CASP6: variants seen among roughly 807,000 people sequenced by gnomAD.
CASP6 encodes the protein caspase 6.
Under a neutral mutation model 31.8 loss-of-function variants are expected in CASP6, and 20 were observed. The ratio of observed to expected loss-of-function variants is 0.63; its 90% CI spans 0.44 to 0.91. The LOEUF is 0.91. Ranked by LOEUF, CASP6 falls within the 40% of genes least tolerant of loss-of-function variation. The pLI is 0.00. For missense variants in CASP6, 328 were observed against 361.1 expected (o/e 0.91, Z 0.74); for synonymous variants, 130 against 127.8 (o/e 1.02, Z -0.12).
At chr4:109,702,224 T>C (rs961679473) in intron 1 of CASP6, among the ~76,000 whole-genome samples, 5 of 152,222 alleles carry the variant, frequency 3.3e-5, no homozygotes, top group East Asian at 3.8e-4. Context: ...TCTACGACCA[T>C]GTGACTTTTA....
the CASP6 span, among the ~76,000 whole-genome samples, chr4:109,665,304 G>T: frequency 3.9e-5 from 6 of 152,046 alleles, no homozygotes; most frequent in African/African-American, 1.2e-4. Context: ...AAGTGTCTTG[G>T]GTCTTTATTT....
At chr4:109,678,830 G>T in the CASP6 span, among the ~76,000 whole-genome samples, 1 of 141,256 alleles carries the variant, frequency 7.1e-6, no homozygotes, top group South Asian at 2.3e-4. Context: ...CGGGGCAGCT[G>T]GGCAGAGGCG....
At chr4:109,708,219 T>G (rs185109158), upstream of CASP6, among the ~76,000 whole-genome samples, 35 of 152,358 alleles carry the variant, frequency 2.3e-4, no homozygotes, top group African/African-American at 7.9e-4. Context: ...AACCATTTAC[T>G]GTTCATTGTA....
At position 109,697,604 on chromosome 4, in the gene CASP6, GGTAGATA is replaced by G; in HGVS notation, c.230+11_230+17del. ...ATCACTTAACTGCCTCATCTTGATAGGTAGATAAAACTACTACCTGCGGGTAAGATTG... is the reference window on the plus strand; with the variant it reads ...ATCACTTAACTGCCTCATCTTGATAGAAACTACTACCTGCGGGTAAGATTG... On this transcript the variant is annotated intron_variant, in intron 3 of 6. Transcript: ENST00000265164. 9.4e-6 allele frequency: 15 copies of G among 1,594,328 alleles called. No individual in the cohort carries two copies. Among genetic ancestry groups the G allele is most frequent in the Non-Finnish European group, 1.3e-5 (15 of 1,171,874 alleles).
chr4:109,685,247 T>TTA (rs397816077), downstream of CASP6: 3 of 1,190,664 alleles, frequency 2.5e-6, no homozygotes, highest in South Asian at 1.3e-5. Flanking sequence ...TCTTTTTTTT[T>TTA]AAGGATTATA....
chr4:109,708,870 A>G, the CASP6 span, among the ~76,000 whole-genome samples: 1 of 152,158 alleles, frequency 6.6e-6, no homozygotes, highest in Non-Finnish European at 1.5e-5. Context: ...CAAATGTATA[A>G]TTTTAGCCTC....
rs530017271 is a variant in CASP6 at position 109,697,605 on chromosome 4, G to A, written c.230+17C>T. Reference sequence around the variant, plus strand: ...TCACTTAACTGCCTCATCTTGATAGGTAGATAAAACTACTACCTGCGGGTA... The same window carrying A: ...TCACTTAACTGCCTCATCTTGATAGATAGATAAAACTACTACCTGCGGGTA... On this transcript the variant is annotated intron_variant, in intron 3 of 6. Transcript: ENST00000265164. 6.3e-7 allele frequency: 1 copy of A among 1,595,942 alleles called. No individual in the cohort carries two copies. The highest frequency in any genetic ancestry group is 1.8e-5 in the Admixed American group (1 of 55,918).
At chr4:109,696,594 C>G in intron 3 of CASP6, 108 bp from the exon 4 acceptor site, 1 of 656,510 alleles carries the variant, frequency 1.5e-6, no homozygotes. Context: ...AATTTGCTTT[C>G]TTTAGGAGAA....
At chr4:109,707,063 T>C (rs1730635321), upstream of CASP6, among the ~76,000 whole-genome samples, 1 of 152,246 alleles carries the variant, frequency 6.6e-6, no homozygotes, top group Non-Finnish European at 1.5e-5. Flanking sequence ...AGATGATCCC[T>C]AGCATCTTTT....
At chr4:109,707,118 T>C (rs1730636177), upstream of CASP6, among the ~76,000 whole-genome samples, 1 of 152,194 alleles carries the variant, frequency 6.6e-6, no homozygotes, top group African/African-American at 2.4e-5. Context: ...TTTTTAGACA[T>C]GTTATTGCAC....
the CASP6 span, among the ~76,000 whole-genome samples, chr4:109,671,536 T>C: frequency 6.6e-6 from 1 of 152,192 alleles, no homozygotes; most frequent in Non-Finnish European, 1.5e-5. Context: ...GCATTCTTCA[T>C]TTCTGTTACA....
At chr4:109,682,813 C>T in the CASP6 span, 1 of 1,185,450 alleles carries the variant, frequency 8.4e-7, no homozygotes. Context: ...CTCATGTGAG[C>T]ATTTTTCTGA....
chr4:109,683,126 G>A, the CASP6 span: 1 of 154,498 alleles, frequency 6.5e-6, no homozygotes. Context: ...CAGAGCCCCT[G>A]CTGTGCCTAA....
chr4:109,690,823 T>C (rs1730027029), intron 6 of CASP6, 27 bp downstream of exon 6: 1 of 1,571,490 alleles, frequency 6.4e-7, no homozygotes, highest in Non-Finnish European at 8.6e-7. Flanking sequence ...GAGAGGCAAT[T>C]ATATGTTTGT....
chr4:109,708,028 T>C (rs1307095913), upstream of CASP6, among the ~76,000 whole-genome samples: 1 of 152,210 alleles, frequency 6.6e-6, no homozygotes, highest in East Asian at 1.9e-4. Flanking sequence ...TTAAAATGTG[T>C]TAAGGCACCA....
downstream of CASP6, chr4:109,687,662 C>A: frequency 1.1e-6 from 1 of 891,486 alleles, no homozygotes; most frequent in Non-Finnish European, 1.8e-6. Context: ...GTTTTTGAGT[C>A]CCATGGTTCA....
the CASP6 span, among the ~76,000 whole-genome samples, chr4:109,680,801 T>C: frequency 6.6e-6 from 1 of 152,204 alleles, no homozygotes; most frequent in Non-Finnish European, 1.5e-5. Context: ...TGCAGTTGTT[T>C]GCTGCTGCCT....
At chr4:109,703,167 G>C (rs1401810740) in intron 1 of CASP6, among the ~76,000 whole-genome samples, 189 bp downstream of exon 1, 2 of 152,164 alleles carry the variant, frequency 1.3e-5, no homozygotes, top group Non-Finnish European at 2.9e-5. Flanking sequence ...TTAGACTGAA[G>C]CGCGAAACCG....
intron 6 of CASP6, 84 bp downstream of exon 6, chr4:109,690,766 A>T: frequency 1.4e-6 from 2 of 1,428,052 alleles, no homozygotes; most frequent in East Asian, 2.4e-5. Context: ...CAACCGAAAG[A>T]TCTGACCCAA....
Sources: allele counts gnomAD v4.1 joint callset (sites outside exome capture counted in the v4.1 genomes callset), GRCh38; gene constraint gnomAD v4.1.1; transcripts MANE v1.5; gene names NCBI Gene and HGNC (gene_info 2026-07-23, HGNC 2026-07-21).